The following PADI1 variants were observed in gnomAD, a reference collection of about 807,000 sequenced individuals.
The protein encoded by PADI1 is protein-arginine deiminase type-1.
In PADI1, 65 loss-of-function variants were observed where a neutral mutation model predicts 74.8. The ratio of observed to expected loss-of-function variants is 0.87; its 90% CI spans 0.71 to 1.07. The LOEUF (loss-of-function observed/expected upper bound fraction) is 1.07, where lower values mean the gene tolerates loss of function less well. Ranked by LOEUF, PADI1 falls within the 50% of genes least tolerant of loss-of-function variation. PADI1 has a pLI of 0.00. For synonymous variants in PADI1, 371 were observed against 336.2 expected (o/e 1.10, Z -1.13); for missense variants, 943 against 854.0 (o/e 1.10, Z -1.30).
intron 1 of PADI1, among the ~76,000 whole-genome samples, chr1:17,212,687 G>T (rs2100406359): frequency 6.6e-6 from 1 of 152,352 alleles, no homozygotes; most frequent in East Asian, 1.9e-4. Context: ...GCAGAGAGGG[G>T]TGTGAGGTAG....
chr1:17,243,039 G>A (rs1343612350), intron 15 of PADI1, among the ~76,000 whole-genome samples: 1 of 152,200 alleles, frequency 6.6e-6, no homozygotes. Flanking sequence ...AGGGTGGGGG[G>A]CAGAGCACGG....
Position 17,244,314 on chromosome 1 carries a change from C to G in PADI1, c.*71C>G, listed in dbSNP as rs765307163. 7 of 1,134,296 alleles carry G rather than the reference C, an allele frequency of 6.2e-6. No individual in the cohort carries two copies. Among genetic ancestry groups the G allele is most frequent in the Non-Finnish European group, 9.4e-6 (7 of 744,708 alleles). The allele number at this position is 1,134,296 out of a possible 1,614,324, so 70.3% of individuals were successfully genotyped here. ...CTGCCAGGGTGAAGGCAAGGAACAA[C>G]CACCTGGCCTCCATTCTCTTGGGGG... On this transcript the variant is annotated 3_prime_UTR_variant, in exon 16 of 16. Transcript: ENST00000375471.
intron 2 of PADI1, 33 bp from the exon 3 acceptor site, chr1:17,223,588 A>G (rs748189349): frequency 1.3e-6 from 2 of 1,572,672 alleles, no homozygotes; most frequent in Non-Finnish European, 1.8e-6. Flanking sequence ...TCTGAAGGTG[A>G]TGGCCGTGCA....
Position 17,205,272 on chromosome 1 carries a change from T to A in PADI1, c.55T>A (p.Cys19Ser). ...CCTGAAGATGCCTACCCATGCCGTGTGTGTGGTGGGAGTCGAGGCACATGT... is the reference window on the plus strand; with the variant it reads ...CCTGAAGATGCCTACCCATGCCGTGAGTGTGGTGGGAGTCGAGGCACATGT... ...LSLKMPTHAV[C>S]VVGVEAHVDI... The change falls in exon 1 of 16, where the codon TGT becomes AGT. Residue 19 changes from cysteine (C) to serine (S), a missense_variant. By Grantham distance (112) the Cys-to-Ser change is moderately radical. Coordinates refer to ENST00000375471, the MANE Select transcript of PADI1 (RefSeq NM_013358.3). 1 of 1,613,900 alleles carries A rather than the reference T, an allele frequency of 6.2e-7. No homozygotes were observed. The highest frequency in any genetic ancestry group is 1.1e-5 in the South Asian group (1 of 91,068).
At chr1:17,225,370 G>A (rs1296974865) in intron 4 of PADI1, among the ~76,000 whole-genome samples, 4 of 152,152 alleles carry the variant, frequency 2.6e-5, no homozygotes, top group African/African-American at 7.2e-5. Context: ...GACTGCATGC[G>A]GATGCCAGAG....
At chr1:17,238,359 G>A (rs900789462) in intron 12 of PADI1, among the ~76,000 whole-genome samples, 2 of 152,238 alleles carry the variant, frequency 1.3e-5, no homozygotes, top group Non-Finnish European at 2.9e-5. Flanking sequence ...GGGCCTTGAA[G>A]GAAGAAATCA....
intron 8 of PADI1, among the ~76,000 whole-genome samples, chr1:17,229,782 T>C (rs1369920154): frequency 1.3e-5 from 2 of 152,176 alleles, no homozygotes; most frequent in African/African-American, 2.4e-5. Flanking sequence ...CTCACTGCTA[T>C]TTTAACCCAA....
At chr1:17,228,830 C>T in intron 7 of PADI1, 33 bp downstream of exon 7, 1 of 1,608,132 alleles carries the variant, frequency 6.2e-7, no homozygotes. Context: ...GCCAAGGAGG[C>T]TGAGGGGTTT....
chr1:17,222,976 G>T (rs1251369330), intron 2 of PADI1, among the ~76,000 whole-genome samples: 3 of 105,524 alleles, frequency 2.8e-5, no homozygotes, highest in African/African-American at 1.5e-4. Context: ...CCTAGACATG[G>T]CCCTTTCTCC....
At chr1:17,238,919 G>C (rs3763583) in intron 13 of PADI1, among the ~76,000 whole-genome samples, 15,004 of 152,198 alleles carry the variant, frequency 0.099, 838 homozygotes, top group South Asian at 0.18. Flanking sequence ...GAGTGCCCCA[G>C]GTGCCGGTCA....
intron 1 of PADI1, among the ~76,000 whole-genome samples, chr1:17,206,683 C>T (rs56081249): frequency 0.21 from 22,182 of 106,648 alleles, 1,351 homozygotes; most frequent in Middle Eastern, 0.25. Flanking sequence ...TTTTCTTTTT[C>T]TTTTTTTTTT....
chr1:17,214,992 G>A lies in PADI1; in HGVS notation c.93-7298G>A, dbSNP rs113478246. 6.4e-3 allele frequency among the ~76,000 whole-genome samples: 971 copies of A among 152,298 alleles called. 9 individuals are homozygous for A. Among genetic ancestry groups the A allele is most frequent in the African/African-American group, 0.022 (918 of 41,560 alleles). On this transcript the variant is annotated intron_variant, in intron 1 of 15. Coordinates refer to ENST00000375471, the MANE Select transcript of PADI1 (RefSeq NM_013358.3). Reference sequence around the variant, plus strand: ...CAAAGCTCCTGCTGGGGTACCTGCCGCTCTTCTGTAGCTGAAGCTGACCTG... The same window carrying A: ...CAAAGCTCCTGCTGGGGTACCTGCCACTCTTCTGTAGCTGAAGCTGACCTG...
intron 1 of PADI1, 130 bp from the exon 2 acceptor site, chr1:17,222,160 C>T (rs41265067): frequency 7.6e-4 from 494 of 653,912 alleles, no homozygotes; most frequent in Non-Finnish European, 1.1e-3. Context: ...CTGCCCTGTG[C>T]CTCCCCAGCC....
rs1030048449 is a variant in PADI1, at chr1:17,236,147, A to G, written c.1314-1167A>G. ...TCCAGTGACCCTGCCTTGGTTTCTG[A>G]CCTTAGCAATGGACAAACCAGACAA... On this transcript the variant is annotated intron_variant, in intron 11 of 15. Coordinates refer to ENST00000375471, the MANE Select transcript of PADI1 (RefSeq NM_013358.3). Among the ~76,000 whole-genome samples, 4 of 152,338 alleles carry G rather than the reference A, an allele frequency of 2.6e-5. No homozygotes were observed. In the South Asian group the frequency reaches 6.2e-4, roughly 24 times the overall value.
intron 1 of PADI1, among the ~76,000 whole-genome samples, chr1:17,206,995 C>A (rs1488488268): frequency 6.6e-6 from 1 of 152,142 alleles, no homozygotes; most frequent in Admixed American, 6.5e-5. Flanking sequence ...AAGCTGAAAT[C>A]TAACTAGGCA....
intron 1 of PADI1, among the ~76,000 whole-genome samples, chr1:17,206,622 G>A (rs1484288401): frequency 6.6e-6 from 1 of 151,868 alleles, no homozygotes; most frequent in Non-Finnish European, 1.5e-5. Flanking sequence ...TATTGCATGG[G>A]AGATATTTCT....
intron 2 of PADI1, 61 bp downstream of exon 2, chr1:17,222,531 G>C (rs1031677542): frequency 1.7e-5 from 22 of 1,314,312 alleles, no homozygotes; most frequent in Middle Eastern, 1.9e-4. Flanking sequence ...CAAGGTAAGA[G>C]CCCCACATTG....
chr1:17,216,778 G>A (rs570743683), intron 1 of PADI1, among the ~76,000 whole-genome samples: 1 of 152,204 alleles, frequency 6.6e-6, no homozygotes, highest in Non-Finnish European at 1.5e-5. Context: ...GCTGAGGCAG[G>A]AGAATCGCTT....
intron 1 of PADI1, among the ~76,000 whole-genome samples, chr1:17,213,844 G>T (rs185671248): frequency 3.3e-5 from 5 of 152,174 alleles, no homozygotes; most frequent in African/African-American, 1.2e-4. Context: ...TCCTCATCCC[G>T]CCCTCCGCGT....
Sources: gnomAD v4.1 joint callset for allele counts (sites outside exome capture counted in the v4.1 genomes callset) on GRCh38, gnomAD v4.1.1 for gene constraint, MANE v1.5 for transcripts, NCBI Gene and HGNC (gene_info 2026-07-23, HGNC 2026-07-21) for gene names.